SVIL: variants seen among roughly 807,000 people sequenced by gnomAD.
SVIL encodes supervillin.
In SVIL, 101 loss-of-function variants were observed where a neutral mutation model predicts 240.4. The observed-to-expected ratio is 0.42, with a 90% CI of 0.36 to 0.50. SVIL has a LOEUF of 0.50. SVIL is among the 20% of genes least tolerant of loss of function. The pLI, the probability that SVIL is intolerant of heterozygous loss-of-function variation, is 0.01. For missense variants in SVIL, 2,512 were observed against 2,818.7 expected (o/e 0.89, Z 2.46); for synonymous variants, 999 against 1,100.0 (o/e 0.91, Z 1.82).
In SVIL at chr10:29,499,980, T is replaced by C. The variant is rs528972019; in HGVS notation, c.3517-717A>G. On this transcript the variant is annotated intron_variant, in intron 17 of 37. Transcript: ENST00000355867. ...GAATATTTCTGGAGAGATCTGCTTC[T>C]TCCATTTCCAAGCCATTGATGATGC... Among the ~76,000 whole-genome samples, 6 of 152,330 alleles carry C rather than the reference T, an allele frequency of 3.9e-5. No homozygotes were observed. In the South Asian group the frequency reaches 8.3e-4, roughly 21 times the overall value.
At chr10:29,709,332 C>A (rs904524589) in intron 1 of SVIL, among the ~76,000 whole-genome samples, 1 of 152,160 alleles carries the variant, frequency 6.6e-6, no homozygotes, top group Non-Finnish European at 1.5e-5. Flanking sequence ...CAAAAAGTTT[C>A]GGATTTCAGA....
chr10:29,480,012 G>A (rs1331075223), intron 29 of SVIL, among the ~76,000 whole-genome samples: 1 of 152,186 alleles, frequency 6.6e-6, no homozygotes, highest in Non-Finnish European at 1.5e-5. Flanking sequence ...TTTAGACTCT[G>A]CATTTACTAC....
chr10:29,709,818 T>C (rs566820432), intron 1 of SVIL, among the ~76,000 whole-genome samples: 50 of 152,210 alleles, frequency 3.3e-4, no homozygotes, highest in African/African-American at 1.2e-3. Flanking sequence ...CCAGCAAGGC[T>C]TGCAGGCACC....
At chr10:29,682,445 G>A (rs535142919) in intron 2 of SVIL, among the ~76,000 whole-genome samples, 2 of 152,284 alleles carry the variant, frequency 1.3e-5, no homozygotes, top group Non-Finnish European at 2.9e-5. Flanking sequence ...CACTGCTCTA[G>A]GTTCCTGGCA....
intron 1 of SVIL, among the ~76,000 whole-genome samples, chr10:29,605,381 C>T (rs931256553): frequency 1.3e-5 from 2 of 152,218 alleles, no homozygotes. Flanking sequence ...CTCCCCCCAG[C>T]CTCAGCAGAG....
chr10:29,601,371 G>A (rs570371533), intron 1 of SVIL, among the ~76,000 whole-genome samples: 2 of 152,322 alleles, frequency 1.3e-5, no homozygotes, highest in African/African-American at 2.4e-5. Context: ...CTTCTAAATC[G>A]TTATTAGGGA....
At chr10:29,611,393 G>A (rs1157508265) in intron 1 of SVIL, among the ~76,000 whole-genome samples, 5 of 151,796 alleles carry the variant, frequency 3.3e-5, no homozygotes, top group South Asian at 2.1e-4. Flanking sequence ...AATAGGGACC[G>A]AGGTGGGGGG....
rs745599025 is a variant in SVIL, at chr10:29,523,810, A to G, written c.2804T>C (p.Val935Ala). Residue 935 changes from valine (V) to alanine (A), a missense_variant, in exon 15 of 38, where the codon GTA (valine) becomes GCA (alanine). Around this residue, in one of 3 missense-constraint regions of SVIL, gnomAD observed 1,443 missense variants for 1,486.6 expected, o/e 0.97. Transcript: ENST00000355867. Reference protein sequence around the residue: ...ILKSQAWQPLVEGSENKGMLR... With the variant: ...ILKSQAWQPLAEGSENKGMLR... ...CATTCCCTTGTTCTCGCTACCCTCTACCAAAGGCTGCCAAGCTTGCGATTT... is the reference window on the plus strand; with the variant it reads ...CATTCCCTTGTTCTCGCTACCCTCTGCCAAAGGCTGCCAAGCTTGCGATTT... 61 of 1,614,018 alleles carry G rather than the reference A, an allele frequency of 3.8e-5. No homozygotes were observed. Among genetic ancestry groups the G allele is most frequent in the Non-Finnish European group, 4.7e-5 (56 of 1,180,024 alleles).
intron 3 of SVIL, among the ~76,000 whole-genome samples, chr10:29,647,776 G>A (rs1022400156): frequency 6.6e-6 from 1 of 151,908 alleles, no homozygotes; most frequent in Non-Finnish European, 1.5e-5. Context: ...AGCTTAAACC[G>A]AGTTTAACAA....
chr10:29,677,483 T>G (rs118140220), intron 2 of SVIL, among the ~76,000 whole-genome samples: 6,024 of 152,222 alleles, frequency 0.04, 170 homozygotes, highest in South Asian at 0.11. Flanking sequence ...ATCATAGCTC[T>G]CTGCAGCTTC....
intron 6 of SVIL, among the ~76,000 whole-genome samples, chr10:29,544,368 T>C (rs547087935): frequency 2.2e-4 from 34 of 151,908 alleles, no homozygotes; most frequent in Non-Finnish European, 4.9e-4. Context: ...CAAGGAAAAA[T>C]TTTGCATTTA....
At chr10:29,572,086 T>C (rs1955450306) in intron 1 of SVIL, among the ~76,000 whole-genome samples, 1 of 152,198 alleles carries the variant, frequency 6.6e-6, no homozygotes, top group African/African-American at 2.4e-5. Context: ...AATGGGTGTG[T>C]GGAGTTAGTA....
intron 1 of SVIL, among the ~76,000 whole-genome samples, chr10:29,727,340 T>C (rs565036334): frequency 2.3e-4 from 35 of 152,088 alleles, no homozygotes; most frequent in Non-Finnish European, 4.3e-4. Context: ...CATAGCTCAC[T>C]GTGGCCTCGA....
rs138665162 is a variant in SVIL, at chr10:29,528,758, C to T, written c.2246+947G>A. On this transcript the variant is annotated intron_variant, in intron 12 of 37. Coordinates refer to ENST00000355867, the MANE Select transcript of SVIL (RefSeq NM_021738.3). ...CCTCAAAAAAACAAACAATGCCCCC[C>T]GCAAAAATAAGAAAATTTTTCACTT... Among the ~76,000 whole-genome samples the T allele has an allele frequency of 2.3e-3, 349 of 152,054 alleles. 6 individuals are homozygous for T. In the South Asian group the frequency reaches 0.025, roughly 11 times the overall value.
intron 2 of SVIL, among the ~76,000 whole-genome samples, chr10:29,568,692 A>T (rs1035820761): frequency 3.3e-5 from 5 of 152,166 alleles, no homozygotes; most frequent in African/African-American, 1.2e-4. Context: ...TAGCACCCAT[A>T]ATATTCTGTG....
Position 29,701,705 on chromosome 10 carries a change from T to C in SVIL, c.-399-15054A>G, listed in dbSNP as rs61846868. 4.9e-3 allele frequency among the ~76,000 whole-genome samples: 747 copies of C among 152,330 alleles called. 5 individuals carry two copies. The highest frequency in any genetic ancestry group is 8.0e-3 in the Non-Finnish European group (545 of 68,020). Reference sequence around the variant, plus strand: ...TACATATTCATAAAATAGTTACTTATGTTTTGCAGAAAATTATTGCAACTT... The same window carrying C: ...TACATATTCATAAAATAGTTACTTACGTTTTGCAGAAAATTATTGCAACTT... On this transcript the variant is annotated intron_variant, in intron 1 of 35. Coordinates refer to the SVIL transcript ENST00000375400.
rs1947497814 is a variant in SVIL, at chr10:29,487,305, C to T, written c.4349-6G>A. 6.2e-7 allele frequency: 1 copy of T among 1,613,998 alleles called. No individual in the cohort carries two copies. The highest frequency in any genetic ancestry group is 8.5e-7 in the Non-Finnish European group (1 of 1,179,964). ...GGTCTGCACATGTCTTCTTCCTGAA[C>T]ACGAGGCAGACAGTCACCGTCTTTC... On this transcript the variant is annotated splice_polypyrimidine_tract_variant and splice_region_variant and intron_variant, in intron 23 of 37. Transcript: ENST00000355867.
At chr10:29,471,317 T>A (rs1945555343) in intron 30 of SVIL, 74 bp from the exon 31 acceptor site, 1 of 1,174,878 alleles carries the variant, frequency 8.5e-7, no homozygotes, top group Admixed American at 2.8e-5. Context: ...ACATGCCTCT[T>A]GCAGAAAATC....
chr10:29,719,125 A>T (rs922649020), intron 1 of SVIL, among the ~76,000 whole-genome samples: 1 of 152,188 alleles, frequency 6.6e-6, no homozygotes, highest in African/African-American at 2.4e-5. Flanking sequence ...ACAAACAAAA[A>T]GAATGGAAAA....
Sources: allele counts gnomAD v4.1 joint callset (sites outside exome capture counted in the v4.1 genomes callset), GRCh38; gene constraint gnomAD v4.1.1; regional missense constraint gnomAD v4.1.1; transcripts MANE v1.5; gene names NCBI Gene and HGNC (gene_info 2026-07-23, HGNC 2026-07-21).